Variants in XRN2 observed in about 807,000 individuals in gnomAD.
XRN2 encodes 5'-3' exoribonuclease 2.
In XRN2, 44 loss-of-function variants were observed where a neutral mutation model predicts 138.5. The ratio of observed to expected loss-of-function variants is 0.32; its 90% CI spans 0.25 to 0.41. The LOEUF (loss-of-function observed/expected upper bound fraction) is 0.41. XRN2 is among the 10% of genes least tolerant of loss of function. The pLI, the probability that XRN2 is intolerant of heterozygous loss-of-function variation, is 1.00. For missense variants in XRN2, 937 were observed against 1,169.3 expected (o/e 0.80, Z 2.90); for synonymous variants, 354 against 369.4 (o/e 0.96, Z 0.48).
chr20:21,376,458 C>G (rs1254326252), intron 27 of XRN2, among the ~76,000 whole-genome samples: 3 of 151,970 alleles, frequency 2.0e-5, no homozygotes, highest in Admixed American at 2.0e-4. Context: ...TTTTACTGAC[C>G]AGTTTTTCTT....
intron 17 of XRN2, 74 bp from the exon 18 acceptor site, chr20:21,348,072 T>G (rs533943289): frequency 1.1e-5 from 13 of 1,139,188 alleles, no homozygotes; most frequent in Non-Finnish European, 1.5e-5. Flanking sequence ...AACAGTCTAA[T>G]TTTTGTTTTT....
intron 26 of XRN2, among the ~76,000 whole-genome samples, chr20:21,366,152 ATATT>A (rs1269392773): frequency 2.3e-5 from 1 of 43,782 alleles, no homozygotes; most frequent in Non-Finnish European, 3.6e-5. Context: ...ATATAAATAT[ATATT>A]TATAGTTTAT....
At chr20:21,324,150 C>G (rs2038087409) in intron 1 of XRN2, among the ~76,000 whole-genome samples, 1 of 152,106 alleles carries the variant, frequency 6.6e-6, no homozygotes, top group African/African-American at 2.4e-5. Context: ...ACCCACCCCC[C>G]CAAGAATTGA....
chr20:21,386,039 T>C (rs1217140256), intron 28 of XRN2, among the ~76,000 whole-genome samples: 1 of 152,246 alleles, frequency 6.6e-6, no homozygotes, highest in African/African-American at 2.4e-5. Context: ...CTTTAGAAGG[T>C]ATATCCTTGC....
chr20:21,365,932 A>T (rs1451218635), intron 26 of XRN2, among the ~76,000 whole-genome samples: 61 of 122,336 alleles, frequency 5.0e-4, no homozygotes, highest in African/African-American at 1.7e-3. Flanking sequence ...TATATATATA[A>T]AATTATAAAT....
intron 24 of XRN2, among the ~76,000 whole-genome samples, chr20:21,363,050 C>T (rs547708695): frequency 3.2e-4 from 48 of 152,210 alleles, no homozygotes; most frequent in African/African-American, 1.0e-3. Context: ...CATCTTAAAC[C>T]GCAGCCTCTT....
intron 20 of XRN2, among the ~76,000 whole-genome samples, chr20:21,351,173 T>C (rs2038506195): frequency 6.6e-6 from 1 of 152,222 alleles, no homozygotes; most frequent in Non-Finnish European, 1.5e-5. Flanking sequence ...TTTCTTTCAC[T>C]GACAGGATAT....
chr20:21,373,830 A>G (rs73132707), intron 27 of XRN2, among the ~76,000 whole-genome samples: 5 of 152,176 alleles, frequency 3.3e-5, no homozygotes, highest in African/African-American at 9.6e-5. Flanking sequence ...TGGGTTGTCT[A>G]TCTTTTTGTT....
intron 24 of XRN2, among the ~76,000 whole-genome samples, chr20:21,359,083 C>G (rs537036152): frequency 7.3e-4 from 111 of 152,270 alleles, no homozygotes; most frequent in Non-Finnish European, 1.0e-4. Context: ...ACTTAACTTT[C>G]TAATTAGGAT....
chr20:21,308,697 T>G (rs2037837383), intron 1 of XRN2, among the ~76,000 whole-genome samples: 1 of 152,180 alleles, frequency 6.6e-6, no homozygotes, highest in Non-Finnish European at 1.5e-5. Context: ...AAATGTAGAG[T>G]TTGTTACATA....
At chr20:21,366,465 G>T (rs2038704402) in intron 26 of XRN2, among the ~76,000 whole-genome samples, 1 of 151,112 alleles carries the variant, frequency 6.6e-6, no homozygotes, top group African/African-American at 2.4e-5. Flanking sequence ...GCTGAGGCAG[G>T]GGAATGGCAT....
chr20:21,326,161 G>A lies in XRN2; in HGVS notation c.76-118G>A, dbSNP rs1032888589. On this transcript the variant is annotated intron_variant, in intron 1 of 29. Coordinates refer to ENST00000377191, the MANE Select transcript of XRN2 (RefSeq NM_012255.5). ...TAAAATAACTTATTATAATTTAAAG[G>A]TTACTTGAAGTGTTTTATTTCCAGT... 52 of 982,422 alleles carry A rather than the reference G, an allele frequency of 5.3e-5. 1 individual carries two copies. The highest frequency in any genetic ancestry group is 7.6e-5 in the Non-Finnish European group (52 of 684,332). The allele number at this position is 982,422 out of a possible 1,614,324, so 60.9% of individuals were successfully genotyped here.
chr20:21,382,186 G>C, intron 28 of XRN2, 129 bp downstream of exon 28: 1 of 610,136 alleles, frequency 1.6e-6, no homozygotes, highest in Non-Finnish European at 2.6e-6. Flanking sequence ...AATTTCCCTT[G>C]TGCCTATCCT....
rs576225383 is a variant in XRN2, at chr20:21,383,280, TTAAG to T, written c.2648+1232_2648+1235del. The stretch of plus-strand genomic sequence containing the variant: ...CAGTACCACAAATTTTAAGCAGAAA[TTAAG>T]TAAGTAAGGGGTAAATTTTTCCTAA... On this transcript the variant is annotated intron_variant, in intron 28 of 29. Coordinates refer to ENST00000377191, the MANE Select transcript of XRN2 (RefSeq NM_012255.5). Among the ~76,000 whole-genome samples the T allele has an allele frequency of 2.4e-3, 373 of 152,314 alleles. 3 individuals are homozygous for T. The highest frequency in any genetic ancestry group is 0.02 in the Middle Eastern group (6 of 294).
intron 17 of XRN2, 123 bp downstream of exon 17, chr20:21,346,673 G>T: frequency 8.2e-7 from 1 of 1,216,538 alleles, no homozygotes; most frequent in Non-Finnish European, 1.1e-6. Flanking sequence ...GGGCGGGAGG[G>T]CAATGGCGTG....
chr20:21,337,502 G>C (rs1213252337), intron 13 of XRN2, among the ~76,000 whole-genome samples: 2 of 152,190 alleles, frequency 1.3e-5, no homozygotes, highest in East Asian at 3.9e-4. Context: ...GAGATGCTAA[G>C]TATGGAGAGG....
intron 24 of XRN2, among the ~76,000 whole-genome samples, chr20:21,363,297 C>G (rs986178951): frequency 6.6e-6 from 1 of 152,082 alleles, no homozygotes; most frequent in Non-Finnish European, 1.5e-5. Context: ...CACCGTGAAC[C>G]GTGCATGCGA....
At chr20:21,360,334 AG>A (rs2038623169) in intron 24 of XRN2, among the ~76,000 whole-genome samples, 1 of 151,950 alleles carries the variant, frequency 6.6e-6, no homozygotes, top group Admixed American at 6.5e-5. Context: ...TGTTGTTTGG[AG>A]TGCTCTTCCT....
chr20:21,336,062 C>T (rs968779689), intron 13 of XRN2, among the ~76,000 whole-genome samples: 1 of 152,206 alleles, frequency 6.6e-6, no homozygotes. Flanking sequence ...AGGGAGAGAT[C>T]CATAAGGTCC....
Sources: allele counts gnomAD v4.1 joint callset (sites outside exome capture counted in the v4.1 genomes callset), GRCh38; gene constraint gnomAD v4.1.1; transcripts MANE v1.5; gene names NCBI Gene and HGNC (gene_info 2026-07-23, HGNC 2026-07-21).